VPS13B: variants seen among roughly 807,000 people sequenced by gnomAD.
VPS13B encodes the protein vacuolar protein sorting 13 homolog B.
Under a neutral mutation model 426.4 loss-of-function variants are expected in VPS13B, and 285 were observed. That is an observed-to-expected ratio of 0.67 (90% CI 0.61 to 0.74). VPS13B has a LOEUF of 0.74. Among genes scored for constraint, VPS13B ranks in the 30% least tolerant of loss-of-function variants. The pLI is 0.00. For missense variants in VPS13B, 4,537 were observed against 4,782.6 expected (o/e 0.95, Z 1.51); for synonymous variants, 1,676 against 1,676.4 (o/e 1.00, Z 0.01).
At position 99,306,588 on chromosome 8, in the gene VPS13B, G is replaced by A. The variant is rs1420968533; in HGVS notation, c.2824+31334G>A. ...CAAACTAGGTCTTAACAAAATGCAA[G>A]AGACTAATGTTCATATTTATTTAGT... On this transcript the variant is annotated intron_variant, in intron 19 of 61. Transcript: ENST00000357162. Among the ~76,000 whole-genome samples, 4 of 152,066 alleles carry A rather than the reference G, an allele frequency of 2.6e-5. No individual in the cohort carries two copies. In the East Asian group the frequency reaches 7.7e-4, roughly 29 times the overall value.
At chr8:99,116,917 A>G (rs1847690389) in intron 7 of VPS13B, among the ~76,000 whole-genome samples, 1 of 152,216 alleles carries the variant, frequency 6.6e-6, no homozygotes, top group African/African-American at 2.4e-5. Flanking sequence ...AATCATTTTG[A>G]TGTATTTCTT....
At chr8:99,039,813 A>G (rs1332597931) in intron 3 of VPS13B, among the ~76,000 whole-genome samples, 1 of 152,092 alleles carries the variant, frequency 6.6e-6, no homozygotes, top group Non-Finnish European at 1.5e-5. Flanking sequence ...TTGATTCCAA[A>G]CACGTATTAT....
chr8:99,189,999 G>C (rs940767783), intron 16 of VPS13B, among the ~76,000 whole-genome samples: 8 of 151,912 alleles, frequency 5.3e-5, no homozygotes, highest in Non-Finnish European at 8.8e-5. Context: ...CTTTACTTAC[G>C]GTCTATTTGT....
intron 39 of VPS13B, among the ~76,000 whole-genome samples, chr8:99,725,105 C>A (rs534327915): frequency 6.6e-6 from 1 of 152,326 alleles, no homozygotes; most frequent in Non-Finnish European, 1.5e-5. Context: ...ATGCCATGTT[C>A]AAACATGATA....
At chr8:99,255,066 T>A (rs1302055490) in intron 17 of VPS13B, among the ~76,000 whole-genome samples, 1 of 152,142 alleles carries the variant, frequency 6.6e-6, no homozygotes, top group African/African-American at 2.4e-5. Context: ...TTTTTTTTTC[T>A]ATATTTCACA....
chr8:99,726,528 T>C (rs1376038287), intron 39 of VPS13B, among the ~76,000 whole-genome samples: 1 of 152,204 alleles, frequency 6.6e-6, no homozygotes, highest in East Asian at 1.9e-4. Context: ...AATGGGTATT[T>C]TAATTCCTAT....
At chr8:99,479,510 A>G (rs1819924406) in intron 24 of VPS13B, among the ~76,000 whole-genome samples, 2 of 152,144 alleles carry the variant, frequency 1.3e-5, no homozygotes, top group African/African-American at 4.8e-5. Flanking sequence ...AAATTAGCTA[A>G]TTTGTTAAGA....
chr8:99,669,870 A>C (rs1830636339), intron 35 of VPS13B, among the ~76,000 whole-genome samples: 1 of 152,116 alleles, frequency 6.6e-6, no homozygotes. Context: ...ACTATTTTAT[A>C]GGTTACAATG....
chr8:99,604,430 A>G (rs532279831), intron 33 of VPS13B, among the ~76,000 whole-genome samples: 1 of 150,092 alleles, frequency 6.7e-6, no homozygotes, highest in African/African-American at 2.5e-5. Context: ...TGGATACCAC[A>G]TTACGTTTGG....
chr8:99,786,753 GATA>G (rs1287380275), intron 43 of VPS13B, among the ~76,000 whole-genome samples: 1 of 152,068 alleles, frequency 6.6e-6, no homozygotes, highest in East Asian at 1.9e-4. Context: ...AGATAACCTA[GATA>G]ATATTTATAA....
chr8:99,580,229 T>A lies in VPS13B; in HGVS notation c.5220+2596T>A, dbSNP rs191540658. On this transcript the variant is annotated intron_variant, in intron 33 of 61. Coordinates refer to ENST00000357162, the MANE Select transcript of VPS13B (RefSeq NM_152564.5). Reference sequence around the variant, plus strand: ...ATAGACCAGTAAATGTCAAATCTGTTCTAAGTCCACCATCTGATACTATGT... The same window carrying A: ...ATAGACCAGTAAATGTCAAATCTGTACTAAGTCCACCATCTGATACTATGT... Among the ~76,000 whole-genome samples the A allele has an allele frequency of 2.4e-3, 366 of 151,272 alleles. 1 individual carries two copies. The highest frequency in any genetic ancestry group is 4.7e-3 in the Non-Finnish European group (321 of 67,816).
chr8:99,295,048 TG>T (rs1264978205), intron 19 of VPS13B, among the ~76,000 whole-genome samples: 1 of 152,182 alleles, frequency 6.6e-6, no homozygotes, highest in African/African-American at 2.4e-5. Flanking sequence ...GACAAACATT[TG>T]ATCATATATG....
In VPS13B at chr8:99,736,117, G is replaced by T. The variant is rs190895325; in HGVS notation, c.7050+15070G>T. Among the ~76,000 whole-genome samples the T allele has an allele frequency of 2.6e-5, 4 of 152,302 alleles. No individual in the cohort carries two copies. The East Asian group carries it at 7.7e-4, about 29-fold the overall frequency. On this transcript the variant is annotated intron_variant, in intron 39 of 61. Transcript: ENST00000357162. ...ACGTAGCAATTGCTCAGTATGTGTG[G>T]AAAGGATTGAAGGATGGAGAGAAGA...
chr8:99,065,001 C>T (rs1844404791), intron 3 of VPS13B, among the ~76,000 whole-genome samples: 1 of 152,114 alleles, frequency 6.6e-6, no homozygotes, highest in Non-Finnish European at 1.5e-5. Context: ...TCATATCCAG[C>T]CAAACTAAGC....
intron 44 of VPS13B, among the ~76,000 whole-genome samples, chr8:99,810,159 C>G (rs760932364): frequency 6.6e-6 from 1 of 152,184 alleles, no homozygotes; most frequent in Non-Finnish European, 1.5e-5. Flanking sequence ...AAAAAAGTAT[C>G]TGACACTTTC....
rs371325199 is a variant in VPS13B, at chr8:99,818,479, A to G, written c.8390A>G (p.Tyr2797Cys). ...CCATCTTCAAACAGTTCCATTATTT[A>G]TGTCTGGTGCACAGTTTTGACTTTA... ...QVPSSNSSIIYVWCTVLTLEP... is the reference protein window; with the variant it reads ...QVPSSNSSIICVWCTVLTLEP... The change falls in exon 46 of 62, where the codon TAT becomes TGT. Residue 2797 changes from tyrosine to cysteine, a missense_variant. Coordinates refer to ENST00000357162, the MANE Select transcript of VPS13B (RefSeq NM_152564.5). The G allele has an allele frequency of 3.2e-5, 51 of 1,614,052 alleles. 1 individual carries two copies. The Middle Eastern group carries it at 1.2e-3, about 37-fold the overall frequency.
intron 33 of VPS13B, among the ~76,000 whole-genome samples, chr8:99,593,550 T>C (rs1443352422): frequency 6.6e-6 from 1 of 152,148 alleles, no homozygotes; most frequent in Admixed American, 6.6e-5. Flanking sequence ...AGCAATTGCA[T>C]TACTGGTTAT....
At chr8:99,054,210 T>A (rs1843715241) in intron 3 of VPS13B, among the ~76,000 whole-genome samples, 1 of 152,226 alleles carries the variant, frequency 6.6e-6, no homozygotes, top group African/African-American at 2.4e-5. Context: ...AATTGCTGGA[T>A]CATATAGTAA....
intron 23 of VPS13B, among the ~76,000 whole-genome samples, chr8:99,455,060 T>G (rs1167136948): frequency 6.6e-6 from 1 of 152,198 alleles, no homozygotes; most frequent in Non-Finnish European, 1.5e-5. Flanking sequence ...GTTTTGCTTT[T>G]CTTTTTGTTC....
Sources: allele counts gnomAD v4.1 joint callset (sites outside exome capture counted in the v4.1 genomes callset), GRCh38; gene constraint gnomAD v4.1.1; transcripts MANE v1.5; gene names NCBI Gene and HGNC (gene_info 2026-07-23, HGNC 2026-07-21).